Variants in SH2D3A observed in about 807,000 individuals in gnomAD.
SH2D3A encodes the protein SH2 domain-containing protein 3A.
In SH2D3A, 46 loss-of-function variants were observed where a neutral mutation model predicts 50.6. That is an observed-to-expected ratio of 0.91 (90% CI 0.72 to 1.16). SH2D3A has a LOEUF of 1.16. Among genes scored for constraint, SH2D3A ranks in the 50% most tolerant of loss-of-function variants. The pLI, the probability that SH2D3A is intolerant of heterozygous loss-of-function variation, is 0.00. For missense variants in SH2D3A, 783 were observed against 786.2 expected (o/e 1.00, Z 0.05); for synonymous variants, 377 against 348.4 (o/e 1.08, Z -0.91).
chr19:6,766,390 C>A (rs940600687), intron 1 of SH2D3A, among the ~76,000 whole-genome samples: 2 of 152,180 alleles, frequency 1.3e-5, no homozygotes, highest in Non-Finnish European at 2.9e-5. Flanking sequence ...GCCTCTGAGT[C>A]CTTTGGGATC....
At chr19:6,765,192 A>G (rs970119151) in intron 1 of SH2D3A, among the ~76,000 whole-genome samples, 1 of 150,590 alleles carries the variant, frequency 6.6e-6, no homozygotes, top group African/African-American at 2.4e-5. Context: ...TGCCTGGCTA[A>G]TTTTTAAATA....
At chr19:6,765,247 A>C (rs1363095159) in intron 1 of SH2D3A, among the ~76,000 whole-genome samples, 2 of 151,976 alleles carry the variant, frequency 1.3e-5, no homozygotes, top group African/African-American at 4.8e-5. Flanking sequence ...GGCTGGGTGA[A>C]CATTTTTGAT....
intron 8 of SH2D3A, 120 bp from the exon 9 acceptor site, chr19:6,753,761 G>C: frequency 9.0e-7 from 1 of 1,111,852 alleles, no homozygotes; most frequent in Non-Finnish European, 1.2e-6. Context: ...GGTCTGTGGA[G>C]AGGGGCCAGG....
chr19:6,755,813 C>G (rs1019166843), intron 4 of SH2D3A, among the ~76,000 whole-genome samples: 3 of 151,516 alleles, frequency 2.0e-5, no homozygotes, highest in Non-Finnish European at 4.4e-5. Context: ...GCGTGGTGGC[C>G]GACGCCTGTA....
At chr19:6,759,748 C>T in intron 3 of SH2D3A, 78 bp from the exon 4 acceptor site, 3 of 1,430,168 alleles carry the variant, frequency 2.1e-6, no homozygotes, top group Non-Finnish European at 2.9e-6. Context: ...AACCCTGTGT[C>T]CAGTTACTCT....
rs1969493111 is a variant in SH2D3A at position 6,754,059 on chromosome 19, C to T, written c.1377G>A (p.Glu459=). 1.9e-6 allele frequency: 3 copies of T among 1,604,958 alleles called. No individual in the cohort carries two copies. Among genetic ancestry groups the T allele is most frequent in the Non-Finnish European group, 2.6e-6 (3 of 1,174,910 alleles). ...CCCCAGACCTTCACTTACCAGCGCCCTCATCCAGAGCCCGCATCAGCGGCT... is the reference window on the plus strand; with the variant it reads ...CCCCAGACCTTCACTTACCAGCGCCTTCATCCAGAGCCCGCATCAGCGGCT... ...ELKPLMRALD[E]GAGPCDPGEV... Residue 459 remains glutamate, a synonymous_variant, in exon 8 of 10, where the codon GAG becomes GAA. Transcript: ENST00000245908.
At chr19:6,754,000 T>C (rs1386310288) in intron 8 of SH2D3A, 52 bp downstream of exon 8, 4 of 1,529,410 alleles carry the variant, frequency 2.6e-6, no homozygotes, top group African/African-American at 1.4e-5. Context: ...TTGAGTCCTG[T>C]TAAATTTGGT....
chr19:6,764,995 G>A (rs566640227), intron 1 of SH2D3A, among the ~76,000 whole-genome samples: 6 of 149,276 alleles, frequency 4.0e-5, no homozygotes, highest in African/African-American at 9.9e-5. Flanking sequence ...CTCGTGCATC[G>A]GCCTCCTCAG....
intron 1 of SH2D3A, among the ~76,000 whole-genome samples, chr19:6,766,282 C>T (rs1970300819): frequency 6.6e-6 from 1 of 152,150 alleles, no homozygotes; most frequent in Non-Finnish European, 1.5e-5. Flanking sequence ...CTTGTGTCTC[C>T]CTTAGTGAGA....
chr19:6,754,859 G>T lies in SH2D3A; in HGVS notation c.953C>A (p.Ala318Asp), dbSNP rs755482830. Residue 318 changes from alanine to aspartate, a missense_variant, in exon 5 of 10, where the codon GCC becomes GAC. Physicochemically the swap from Ala to Asp is moderately radical, Grantham distance 126. Transcript: ENST00000245908. ...GCAGTCTACCAATAGCAGGTGAAGG[G>T]CGGTGCTCCCAGGATGGTGCTCCAG... ...LFLEHHPGST[A>D]LHLLLVDCQA... 1 of 1,599,258 alleles carries T rather than the reference G, an allele frequency of 6.3e-7. No homozygotes were observed. The highest frequency in any genetic ancestry group is 1.1e-5 in the South Asian group (1 of 88,632).
Position 6,753,621 on chromosome 19 carries a change from C to A in SH2D3A, c.1405G>T (p.Val469Leu). ...EGAGPCDPGEVALPHVAPMVR... is the reference protein window; with the variant it reads ...EGAGPCDPGELALPHVAPMVR... ...ATGGGTGCCACGTGCGGCAGCGCCA[C>A]CTCGCCGGGGTCGCAGGGTCCTGCG... is the stretch of plus-strand genomic sequence containing the variant. Residue 469 changes from valine to leucine, a missense_variant, in exon 9 of 10, where the codon GTG (valine) becomes TTG (leucine). Val to Leu is a conservative substitution (Grantham distance 32). Coordinates refer to ENST00000245908, the MANE Select transcript of SH2D3A (RefSeq NM_005490.3). 6.3e-7 allele frequency: 1 copy of A among 1,584,350 alleles called. No homozygotes were observed.
At position 6,763,794 on chromosome 19, in the gene SH2D3A, C is replaced by T; in HGVS notation, c.-46G>A. 1.3e-6 allele frequency: 2 copies of T among 1,506,054 alleles called. No homozygotes were observed. The highest frequency in any genetic ancestry group is 1.8e-6 in the Non-Finnish European group (2 of 1,092,908). 93.3% of individuals were successfully genotyped at this position (1,506,054 alleles called of 1,614,324 possible). A position where few individuals can be genotyped will look rare whatever the true frequency, so the allele number is the denominator to read the frequency against. On this transcript the variant is annotated 5_prime_UTR_variant, in exon 2 of 10. It removes the in-frame stop codon of an upstream open reading frame in the 5' UTR. Coordinates refer to ENST00000245908, the MANE Select transcript of SH2D3A (RefSeq NM_005490.3). ...GTGCCAGGGCTGAGCTCTGCACTTT[C>T]AACAGGCCTCAGTCTTCCACATCTG...
Position 6,760,905 on chromosome 19 carries a change from CA to C in SH2D3A, c.151del (p.Cys51AlafsTer46), listed in dbSNP as rs1290466325. The C allele has an allele frequency of 6.2e-7, 1 of 1,614,094 alleles. No homozygotes were observed. The highest frequency in any genetic ancestry group is 8.5e-7 in the Non-Finnish European group (1 of 1,180,044). On this transcript the variant is annotated frameshift_variant, in exon 3 of 10. Transcript: ENST00000245908. LOFTEE classifies it high-confidence loss of function. Reference sequence around the variant, plus strand: ...ATGGAGGGCTGAGCCCCGCCAGCGGCAGGAGATCACGGGGTTGCCCCCACGG... The same window carrying C: ...ATGGAGGGCTGAGCCCCGCCAGCGGCGGAGATCACGGGGTTGCCCCCACGG... Reference protein sequence around the residue: ...GSRGGNPVISCRWRGSALHFE... With the variant: ...GSRGGNPVISXRWRGSALHFE...
At position 6,754,148 on chromosome 19, in the gene SH2D3A, G is replaced by A. The variant is rs1171141029; in HGVS notation, c.1288C>T (p.His430Tyr). The stretch of plus-strand genomic sequence containing the variant: ...CTCCTTCGGAGCTGGCGCCACGTGT[G>A]CTCCAACCGGGACACCTGGGAGAAG... The part of the protein sequence containing the change: ...LLMPQVSRLE[H>Y]TWRQLRRSHT... The change falls in exon 8 of 10, where the codon CAC becomes TAC. Residue 430 changes from histidine (H) to tyrosine (Y), a missense_variant. By Grantham distance (83) the His-to-Tyr change is moderately conservative (BLOSUM62 2). Coordinates refer to ENST00000245908, the MANE Select transcript of SH2D3A (RefSeq NM_005490.3). 3.1e-6 allele frequency: 5 copies of A among 1,613,178 alleles called. No individual in the cohort carries two copies. In the Admixed American group the frequency reaches 6.7e-5, roughly 22 times the overall value.
chr19:6,754,311 T>A lies in SH2D3A; in HGVS notation c.1212A>T (p.Pro404=), dbSNP rs756281464. Residue 404 remains proline, a synonymous_variant, in exon 7 of 10, where the codon CCA becomes CCT. Coordinates refer to ENST00000245908, the MANE Select transcript of SH2D3A (RefSeq NM_005490.3). ...GLVELALALR[P]GAAGDLPGLA... is the part of the protein sequence containing the mutation. The stretch of plus-strand genomic sequence containing the variant: ...GCCCGGGCAGGTCCCCCGCCGCCCC[T>A]GGCCGCAGCGCCAGCGCCAGCTCTA... The A allele has an allele frequency of 2.2e-5, 34 of 1,569,930 alleles. No individual in the cohort carries two copies. The highest frequency in any genetic ancestry group is 2.6e-5 in the Non-Finnish European group (30 of 1,164,466).
chr19:6,754,703 T>C lies in SH2D3A; in HGVS notation c.1010A>G (p.Asp337Gly), dbSNP rs765459726. 11 of 1,614,136 alleles carry C rather than the reference T, an allele frequency of 6.8e-6. No individual in the cohort carries two copies. The South Asian group carries it at 1.1e-4, about 16-fold the overall frequency. ...QATGLLGVTRDQRGNMGVSSG... is the reference protein window; with the variant it reads ...QATGLLGVTRGQRGNMGVSSG... ...TGAGACTCCCATGTTGCCCCGCTGA[T>C]CTCTGGTCACTCCCAGGAGGCCTGT... The change falls in exon 6 of 10, where the codon GAT becomes GGT. Residue 337 changes from aspartate to glycine, a missense_variant. Transcript: ENST00000245908.
At chr19:6,763,035 G>A (rs2031785487) in intron 2 of SH2D3A, among the ~76,000 whole-genome samples, 1 of 152,034 alleles carries the variant, frequency 6.6e-6, no homozygotes, top group Admixed American at 6.6e-5. Flanking sequence ...AGTTTCAGAT[G>A]GAGGTGGGAG....
intron 9 of SH2D3A, chr19:6,753,152 G>A: frequency 1.0e-6 from 1 of 985,324 alleles, no homozygotes; most frequent in Non-Finnish European, 1.2e-6. Flanking sequence ...GGGCGTTCTT[G>A]GGGATCGAGA....
rs1253577108 is a variant in SH2D3A, at chr19:6,754,536, T to C, written c.1097+80A>G. Reference sequence around the variant, plus strand: ...ATCTCCCTTCTTCCCTGGGGAACCATGAGTGGGGAGCTGTTTGGAGATCTT... The same window carrying C: ...ATCTCCCTTCTTCCCTGGGGAACCACGAGTGGGGAGCTGTTTGGAGATCTT... On this transcript the variant is annotated intron_variant, in intron 6 of 9. Coordinates refer to ENST00000245908, the MANE Select transcript of SH2D3A (RefSeq NM_005490.3). The C allele has an allele frequency of 8.8e-6, 14 of 1,595,090 alleles. No individual in the cohort carries two copies. In the Admixed American group the frequency reaches 1.0e-4, roughly 12 times the overall value.
Sources: gnomAD v4.1 joint callset for allele counts (sites outside exome capture counted in the v4.1 genomes callset) on GRCh38, gnomAD v4.1.1 for gene constraint, MANE v1.5 for transcripts, NCBI Gene and HGNC (gene_info 2026-07-23, HGNC 2026-07-21) for gene names.